Variants in ODAD2 observed in about 807,000 individuals in gnomAD.
ODAD2 encodes outer dynein arm docking complex subunit 2, also known as outer dynein arm-docking complex subunit 2.
Under a neutral mutation model 106.8 loss-of-function variants are expected in ODAD2, and 89 were observed. The observed-to-expected ratio is 0.83, with a 90% CI of 0.70 to 0.99. The LOEUF is 0.99. ODAD2 is among the 50% of genes least tolerant of loss of function. The pLI, the probability that ODAD2 is intolerant of heterozygous loss-of-function variation, is 0.00. For missense variants in ODAD2, 1,168 were observed against 1,238.5 expected (o/e 0.94, Z 0.85); for synonymous variants, 404 against 436.2 (o/e 0.93, Z 0.92).
chr10:27,948,496 G>A (rs1261035761), intron 10 of ODAD2, among the ~76,000 whole-genome samples: 5 of 152,126 alleles, frequency 3.3e-5, no homozygotes, highest in East Asian at 1.9e-4. Context: ...CATAAATATC[G>A]AACTGAGAAG....
chr10:27,862,681 T>G, intron 17 of ODAD2, 59 bp from the exon 18 acceptor site: 1 of 1,124,928 alleles, frequency 8.9e-7, no homozygotes, highest in African/African-American at 1.5e-5. Context: ...AGGCATTTTT[T>G]AAGAGGCAGA....
In ODAD2 at chr10:27,837,790, C is replaced by T. The variant is rs193092983; in HGVS notation, c.3021+22835G>A. Among the ~76,000 whole-genome samples the T allele has an allele frequency of 3.5e-3, 532 of 152,230 alleles. 15 individuals carry two copies. Among genetic ancestry groups the T allele is most frequent in the Admixed American group, 0.032 (488 of 15,288 alleles). ...GTGTATTGTAAATGAACACAGCATC[C>T]GCAAGCCCTGACTTGTCAACCATAA... On this transcript the variant is annotated intron_variant, in intron 19 of 19. Transcript: ENST00000305242.
intron 19 of ODAD2, among the ~76,000 whole-genome samples, chr10:27,831,974 T>C (rs1391554703): frequency 1.3e-5 from 2 of 152,248 alleles, no homozygotes; most frequent in Non-Finnish European, 2.9e-5. Flanking sequence ...CAGTGCATCA[T>C]TGCTCCTGCA....
chr10:27,926,410 A>C (rs1044060953), intron 16 of ODAD2, among the ~76,000 whole-genome samples: 24 of 152,156 alleles, frequency 1.6e-4, no homozygotes, highest in African/African-American at 5.8e-4. Flanking sequence ...GGAAAAAAAA[A>C]AAACTTTTCC....
At chr10:27,995,259 C>T (rs764662616) in intron 1 of ODAD2, 79 bp from the exon 2 acceptor site, 11 of 1,382,792 alleles carry the variant, frequency 8.0e-6, no homozygotes, top group Non-Finnish European at 1.1e-5. Flanking sequence ...AGACTTTAAA[C>T]TAGTACTCCC....
At chr10:27,896,502 C>T (rs577241251) in intron 17 of ODAD2, among the ~76,000 whole-genome samples, 29 of 152,230 alleles carry the variant, frequency 1.9e-4, no homozygotes, top group African/African-American at 6.0e-4. Context: ...GCAGGCCATG[C>T]GTTTGTTGCC....
chr10:27,928,563 C>T (rs1845407227), intron 16 of ODAD2, among the ~76,000 whole-genome samples: 1 of 151,950 alleles, frequency 6.6e-6, no homozygotes, highest in African/African-American at 2.4e-5. Flanking sequence ...TATGACATGC[C>T]CTCAAACCTC....
chr10:27,952,219 T>C (rs961214204), intron 10 of ODAD2, among the ~76,000 whole-genome samples: 14 of 151,940 alleles, frequency 9.2e-5, no homozygotes, highest in African/African-American at 3.4e-4. Context: ...ACAATGGCTA[T>C]TTGACATATA....
At chr10:27,848,157 C>A (rs1838935482) in intron 19 of ODAD2, among the ~76,000 whole-genome samples, 2 of 152,170 alleles carry the variant, frequency 1.3e-5, no homozygotes, top group South Asian at 4.1e-4. Context: ...CATCACACTA[C>A]CTGACTTTAA....
intron 12 of ODAD2, among the ~76,000 whole-genome samples, chr10:27,943,225 T>C (rs557413779): frequency 1.3e-5 from 2 of 152,326 alleles, no homozygotes; most frequent in South Asian, 4.1e-4. Flanking sequence ...TATTTTTCTT[T>C]TGATGCCAGC....
intron 17 of ODAD2, among the ~76,000 whole-genome samples, chr10:27,904,018 A>G (rs1405330641): frequency 1.3e-5 from 2 of 152,194 alleles, no homozygotes; most frequent in East Asian, 3.8e-4. Flanking sequence ...CCTGTTGCCA[A>G]AAAGGGTATA....
At chr10:27,910,621 G>A (rs1843938810) in intron 16 of ODAD2, among the ~76,000 whole-genome samples, 1 of 152,034 alleles carries the variant, frequency 6.6e-6, no homozygotes, top group South Asian at 2.1e-4. Context: ...GCCAGGCATG[G>A]TGGTGCACGA....
At chr10:27,870,494 T>C (rs1408983021) in intron 17 of ODAD2, among the ~76,000 whole-genome samples, 1 of 152,104 alleles carries the variant, frequency 6.6e-6, no homozygotes, top group Non-Finnish European at 1.5e-5. Flanking sequence ...CCTAATGCTA[T>C]CCCTCCCCCA....
At chr10:27,879,083 A>C (rs1054847048) in intron 17 of ODAD2, among the ~76,000 whole-genome samples, 2 of 152,150 alleles carry the variant, frequency 1.3e-5, no homozygotes, top group African/African-American at 2.4e-5. Context: ...CAAGAAAAGC[A>C]AAAAAATAAA....
chr10:27,832,674 C>T (rs537823725), intron 19 of ODAD2, among the ~76,000 whole-genome samples: 5 of 152,262 alleles, frequency 3.3e-5, no homozygotes, highest in South Asian at 4.2e-4. Context: ...CCAGAGCACA[C>T]GTGACCAGGA....
intron 16 of ODAD2, among the ~76,000 whole-genome samples, chr10:27,934,489 A>G (rs994886803): frequency 6.6e-6 from 1 of 150,848 alleles, no homozygotes; most frequent in Non-Finnish European, 1.5e-5. Context: ...ATATCTCTCT[A>G]TATGTATATT....
intron 9 of ODAD2, among the ~76,000 whole-genome samples, chr10:27,967,481 C>A (rs1390183476): frequency 6.6e-6 from 1 of 152,118 alleles, no homozygotes; most frequent in Non-Finnish European, 1.5e-5. Flanking sequence ...CCTTGCCTGA[C>A]CCCCCAGGCA....
intron 17 of ODAD2, among the ~76,000 whole-genome samples, chr10:27,906,958 C>T (rs1843643178): frequency 6.6e-6 from 1 of 151,978 alleles, no homozygotes; most frequent in Non-Finnish European, 1.5e-5. Context: ...CATGTGTATA[C>T]CTATGTAACA....
chr10:27,924,038 AAGAAGGAAAG>A (rs1324211414), intron 16 of ODAD2, among the ~76,000 whole-genome samples: 8 of 145,800 alleles, frequency 5.5e-5, no homozygotes, highest in African/African-American at 2.2e-4. Flanking sequence ...AAGAGAAAGA[AAGAAGGAAAG>A]AGAAAGAAAG....
Sources: gnomAD v4.1 joint callset for allele counts (sites outside exome capture counted in the v4.1 genomes callset) on GRCh38, gnomAD v4.1.1 for gene constraint, MANE v1.5 for transcripts, NCBI Gene and HGNC (gene_info 2026-07-23, HGNC 2026-07-21) for gene names.